Variants in TRIM29 observed in about 807,000 individuals in gnomAD.
TRIM29 encodes the protein tripartite motif-containing protein 29.
In TRIM29, 52 loss-of-function variants were observed where a neutral mutation model predicts 57.3. That is an observed-to-expected ratio of 0.91 (90% CI 0.73 to 1.14). TRIM29 has a LOEUF of 1.14. Ranked by LOEUF, TRIM29 falls within the 50% of genes most tolerant of loss-of-function variation. TRIM29 has a pLI of 0.00. For missense variants in TRIM29, 753 were observed against 774.6 expected (o/e 0.97, Z 0.33); for synonymous variants, 319 against 316.9 (o/e 1.01, Z -0.07).
intron 1 of TRIM29, among the ~76,000 whole-genome samples, chr11:120,135,123 TC>T (rs1863793247): frequency 6.6e-6 from 1 of 152,096 alleles, no homozygotes; most frequent in African/African-American, 2.4e-5. Flanking sequence ...CCCAAGACCC[TC>T]CTGCCCACCA....
intron 6 of TRIM29, 40 bp from the exon 7 acceptor site, chr11:120,118,361 G>A: frequency 6.5e-7 from 1 of 1,533,982 alleles, no homozygotes; most frequent in Non-Finnish European, 8.9e-7. Flanking sequence ...CCCACAGCTG[G>A]GAGTGGGAGA....
chr11:120,137,810 C>T lies in TRIM29; in HGVS notation c.222G>A (p.Glu74=). The T allele has an allele frequency of 6.2e-7, 1 of 1,612,682 alleles. No individual in the cohort carries two copies. The highest frequency in any genetic ancestry group is 8.5e-7 in the Non-Finnish European group (1 of 1,180,024). The change falls in exon 1 of 9, where the codon GAG becomes GAA. Residue 74 remains glutamate, a synonymous_variant. Transcript: ENST00000341846. This position sits in a 1 kb window ranked among gnomAD's most constrained non-coding sequence, Gnocchi z 6.2. ...EGRSALFAGN[E]WRRPIIQFVE... ...CAAACTGGATGATGGGTCGCCGCCACTCATTGCCCGCGAACAGGGCGCTCC... is the reference window on the plus strand; with the variant it reads ...CAAACTGGATGATGGGTCGCCGCCATTCATTGCCCGCGAACAGGGCGCTCC...
In TRIM29 at chr11:120,122,953, C is replaced by T; in HGVS notation, c.1435+1G>A. 6.2e-7 allele frequency: 1 copy of T among 1,613,846 alleles called. No homozygotes were observed. The highest frequency in any genetic ancestry group is 1.1e-5 in the South Asian group (1 of 91,062). ...GTCTGGGGTGAGGGGCTCCCTCTTA[C>T]CTTTGGGTGTCAGGTACATGGAGTA... On this transcript the variant is annotated splice_donor_variant, in intron 5 of 8. Coordinates refer to ENST00000341846, the MANE Select transcript of TRIM29 (RefSeq NM_012101.4). LOFTEE classifies it high-confidence loss of function.
Position 120,112,132 on chromosome 11 carries a change from A to G in TRIM29, c.*282T>C. 1 of 408,116 alleles carries G rather than the reference A, an allele frequency of 2.5e-6. No individual in the cohort carries two copies. Among genetic ancestry groups the G allele is most frequent in the Non-Finnish European group, 4.5e-6 (1 of 222,612 alleles). The allele number at this position is 408,116 out of a possible 1,614,324, so 25.3% of individuals were successfully genotyped here. A position where few individuals can be genotyped will look rare whatever the true frequency, so the allele number is the denominator to read the frequency against. ...GAGGAGGAGGCTGGCGGGTTAGGGC[A>G]GGCCCCAACCTATCTCACCCCTGTG... On this transcript the variant is annotated 3_prime_UTR_variant, in exon 9 of 9. Coordinates refer to ENST00000341846, the MANE Select transcript of TRIM29 (RefSeq NM_012101.4).
chr11:120,118,090 G>C, intron 7 of TRIM29, 133 bp downstream of exon 7: 1 of 814,796 alleles, frequency 1.2e-6, no homozygotes, highest in Non-Finnish European at 2.0e-6. Context: ...GGTAGCTCCC[G>C]GGCTCTCAGG....
intron 7 of TRIM29, chr11:120,116,633 G>A (rs1260040383): frequency 6.5e-6 from 1 of 154,060 alleles, no homozygotes; most frequent in African/African-American, 2.4e-5. Flanking sequence ...CCTTGGAAAG[G>A]GGGGTTCCAG....
chr11:120,120,401 C>T (rs967678890), intron 6 of TRIM29, among the ~76,000 whole-genome samples, 172 bp downstream of exon 6: 3 of 150,138 alleles, frequency 2.0e-5, no homozygotes, highest in Non-Finnish European at 3.0e-5. Flanking sequence ...ACTTTAAGCT[C>T]GGTAGGTAGG....
Position 120,123,246 on chromosome 11 carries a change from G to C in TRIM29, c.1334-191C>G, listed in dbSNP as rs920583554. 1.0e-5 allele frequency: 7 copies of C among 697,780 alleles called. No homozygotes were observed. In the African/African-American group the frequency reaches 1.2e-4, roughly 12 times the overall value. 43.2% of individuals were successfully genotyped at this position (697,780 alleles called of 1,614,324 possible). A position where few individuals can be genotyped will look rare whatever the true frequency, so the allele number is the denominator to read the frequency against. Reference sequence around the variant, plus strand: ...TCACTCGGTTCCTGAGCTCTTGGTGGAGAAGGTGTCTGCAAAGAGCCATCC... The same window carrying C: ...TCACTCGGTTCCTGAGCTCTTGGTGCAGAAGGTGTCTGCAAAGAGCCATCC... On this transcript the variant is annotated intron_variant, in intron 4 of 8. Transcript: ENST00000341846.
Position 120,127,431 on chromosome 11 carries a change from T to A in TRIM29, c.1039A>T (p.Met347Leu). ...TTGGCTCTCTCATCCAGAGCATCCA[T>A]GATCACCTTCACTTGGTCCACAGCA... ...QDAVDQVKVIMDALDERAKVL... is the reference protein window; with the variant it reads ...QDAVDQVKVILDALDERAKVL... The change falls in exon 3 of 9, where the codon ATG becomes TTG. Residue 347 changes from methionine to leucine, a missense_variant. Physicochemically the swap from Met to Leu is conservative, Grantham distance 15 (BLOSUM62 2). Coordinates refer to ENST00000341846, the MANE Select transcript of TRIM29 (RefSeq NM_012101.4). The A allele has an allele frequency of 6.2e-7, 1 of 1,613,676 alleles. No homozygotes were observed. The highest frequency in any genetic ancestry group is 8.5e-7 in the Non-Finnish European group (1 of 1,179,826).
chr11:120,129,520 C>T (rs1055635710), intron 1 of TRIM29, among the ~76,000 whole-genome samples: 2 of 152,198 alleles, frequency 1.3e-5, no homozygotes, highest in Non-Finnish European at 2.9e-5. Flanking sequence ...CTGGCCATCA[C>T]CTTGCGGAGC....
chr11:120,119,483 C>T (rs567313172), intron 6 of TRIM29, among the ~76,000 whole-genome samples: 2 of 152,206 alleles, frequency 1.3e-5, no homozygotes, highest in Non-Finnish European at 1.5e-5. Context: ...CAGGGTTCCG[C>T]GAGGCCAGAC....
At position 120,112,584 on chromosome 11, in the gene TRIM29, G is replaced by A. The variant is rs113131145; in HGVS notation, c.1705-108C>T. On this transcript the variant is annotated intron_variant, in intron 8 of 8. Transcript: ENST00000341846. ...AGGAGGCAGCAGTGATCCAAGACCC[G>A]ACAATTCTAGGGGCCTTTTTGGCCT... 3.2e-4 allele frequency: 387 copies of A among 1,191,972 alleles called. 1 individual carries two copies. The highest frequency in any genetic ancestry group is 4.7e-4 in the East Asian group (19 of 40,644). The allele number at this position is 1,191,972 out of a possible 1,614,324, so 73.8% of individuals were successfully genotyped here. A position where few individuals can be genotyped will look rare whatever the true frequency, so the allele number is the denominator to read the frequency against.
At chr11:120,134,080 C>T (rs183968004) in intron 1 of TRIM29, among the ~76,000 whole-genome samples, 251 of 152,286 alleles carry the variant, frequency 1.6e-3, no homozygotes, top group South Asian at 4.2e-3. Flanking sequence ...TCTCACCCAC[C>T]TAACCTAGCC....
intron 4 of TRIM29, chr11:120,125,475 T>A (rs919972199): frequency 5.3e-6 from 3 of 566,396 alleles, no homozygotes; most frequent in African/African-American, 1.9e-5. Flanking sequence ...GCTCTGGAGG[T>A]CTCTTCCTAT....
chr11:120,113,687 G>A (rs1863195936), intron 8 of TRIM29: 1 of 456,136 alleles, frequency 2.2e-6, no homozygotes. Context: ...TGAGACCCAG[G>A]GAGGGGTAAG....
intron 3 of TRIM29, 65 bp from the exon 4 acceptor site, chr11:120,125,954 C>G (rs995968550): frequency 6.5e-7 from 1 of 1,531,068 alleles, no homozygotes; most frequent in African/African-American, 1.4e-5. Context: ...CGCTTCTCTG[C>G]CAGGGGCTCT....
chr11:120,118,128 G>A, intron 7 of TRIM29, 95 bp downstream of exon 7: 1 of 1,140,306 alleles, frequency 8.8e-7, no homozygotes, highest in East Asian at 2.5e-5. Flanking sequence ...ACGAGGTGAG[G>A]GAGGAACTAG....
chr11:120,126,784 T>A (rs1296455254), intron 3 of TRIM29, among the ~76,000 whole-genome samples: 3 of 152,214 alleles, frequency 2.0e-5, no homozygotes, highest in Non-Finnish European at 4.4e-5. Context: ...ATTACACACT[T>A]TTCTATATTG....
At position 120,112,412 on chromosome 11, in the gene TRIM29, G is replaced by A. The variant is rs1337413845; in HGVS notation, c.*2C>T. On this transcript the variant is annotated 3_prime_UTR_variant, in exon 9 of 9. Coordinates refer to ENST00000341846, the MANE Select transcript of TRIM29 (RefSeq NM_012101.4). ...TGGCGCCTCGTTCCTTCCGCCAGGA[G>A]CTCATGGGGCTTCGTTGGACCCAAT... is the stretch of plus-strand genomic sequence containing the variant. 1 of 1,613,496 alleles carries A rather than the reference G, an allele frequency of 6.2e-7. No homozygotes were observed. The highest frequency in any genetic ancestry group is 1.3e-5 in the African/African-American group (1 of 74,884).
Sources: gnomAD v4.1 joint callset for allele counts (sites outside exome capture counted in the v4.1 genomes callset) on GRCh38, gnomAD v4.1.1 for gene constraint, Gnocchi (gnomAD v3.1) non-coding constraint, MANE v1.5 for transcripts, NCBI Gene and HGNC (gene_info 2026-07-23, HGNC 2026-07-21) for gene names.